Variants in DAP observed in about 807,000 individuals in gnomAD.
The protein encoded by DAP is death-associated protein 1.
Under a neutral mutation model 13.8 loss-of-function variants are expected in DAP, and 8 were observed. That is an observed-to-expected ratio of 0.58 (90% CI 0.34 to 1.05). The LOEUF (loss-of-function observed/expected upper bound fraction) is 1.05, where lower values mean the gene tolerates loss of function less well. Ranked by LOEUF, DAP falls within the 50% of genes least tolerant of loss-of-function variation. DAP has a pLI of 0.03. For synonymous variants in DAP, 47 were observed against 47.5 expected, an observed-to-expected ratio of 0.99 and a Z score of 0.04; for missense variants, 106 against 133.2, an observed-to-expected ratio of 0.80 and a Z score of 1.01.
chr5:10,730,778 G>A (rs1739436695), intron 2 of DAP, among the ~76,000 whole-genome samples: 1 of 133,340 alleles, frequency 7.5e-6, no homozygotes, highest in South Asian at 2.7e-4. Flanking sequence ...CCCTGGTAGG[G>A]GGAATCCTTC....
rs1303728526 is a variant in DAP at position 10,707,924 on chromosome 5, G to A, written c.153-24353C>T. 6.6e-6 allele frequency among the ~76,000 whole-genome samples: 1 copy of A among 152,120 alleles called. No individual in the cohort carries two copies. The highest frequency in any genetic ancestry group is 6.5e-5 in the Admixed American group (1 of 15,276). On this transcript the variant is annotated intron_variant, in intron 2 of 3. Coordinates refer to ENST00000230895, the MANE Select transcript of DAP (RefSeq NM_004394.3). This position sits in a 1 kb window ranked among gnomAD's most constrained non-coding sequence, Gnocchi z 4.0. Reference sequence around the variant, plus strand: ...CCCATGCTGTCGCTACCTCCAAGTGGCTCTAATTCTTATTTAGGCTTGAAA... The same window carrying A: ...CCCATGCTGTCGCTACCTCCAAGTGACTCTAATTCTTATTTAGGCTTGAAA...
rs753961777 is a variant in DAP, at chr5:10,761,040, T to C, written c.29A>G (p.Glu10Gly). MSSPPEGKL[E>G]TKAGHPPAVK... ...GGCGGGCGGGTGTCCAGCTTTAGTC[T>C]CTAGTTTCCCTTCGGGAGGCGAAGA... Residue 10 changes from glutamate to glycine, a missense_variant, in exon 1 of 4, where the codon GAG becomes GGG. Transcript: ENST00000230895. 9 of 1,214,688 alleles carry C rather than the reference T, an allele frequency of 7.4e-6. No homozygotes were observed. Among genetic ancestry groups the C allele is most frequent in the Admixed American group, 8.5e-5 (2 of 23,568 alleles). 75.2% of individuals were successfully genotyped at this position (1,214,688 alleles called of 1,614,324 possible).
intron 2 of DAP, among the ~76,000 whole-genome samples, chr5:10,725,495 G>A (rs1042017039): frequency 1.6e-4 from 25 of 152,162 alleles, no homozygotes; most frequent in African/African-American, 4.8e-4. Context: ...TGCAGAAGCC[G>A]GTGCCGCTGC....
At chr5:10,697,454 C>G (rs143209856) in intron 2 of DAP, among the ~76,000 whole-genome samples, 87 of 152,304 alleles carry the variant, frequency 5.7e-4, no homozygotes, top group African/African-American at 1.9e-3. Flanking sequence ...TTTAGAGTCA[C>G]TCTTTGGAAT....
intron 2 of DAP, chr5:10,734,320 A>G (rs1038033773): frequency 1.3e-5 from 2 of 152,320 alleles, no homozygotes; most frequent in Non-Finnish European, 2.9e-5. Context: ...CATAAATCAC[A>G]CCTGGTTTCC....
intron 2 of DAP, among the ~76,000 whole-genome samples, chr5:10,695,004 C>A (rs1487466647): frequency 6.6e-6 from 1 of 152,204 alleles, no homozygotes; most frequent in Non-Finnish European, 1.5e-5. Flanking sequence ...AAAACAAATC[C>A]GTTCCTGCCA....
intron 2 of DAP, among the ~76,000 whole-genome samples, chr5:10,696,096 G>T (rs979521110): frequency 1.3e-5 from 2 of 152,142 alleles, no homozygotes; most frequent in African/African-American, 4.8e-5. Context: ...AGTTTCTGGC[G>T]TGTGGATCTT....
At position 10,680,925 on chromosome 5, in the gene DAP, G is replaced by A; in HGVS notation, c.*131C>T. On this transcript the variant is annotated 3_prime_UTR_variant, in exon 4 of 4. Coordinates refer to ENST00000230895, the MANE Select transcript of DAP (RefSeq NM_004394.3). ...TTAAATATGGAAATGTAAGGCAAAGGACAGAGCACTTGGTTTTGCCTTAGA... is the reference window on the plus strand; with the variant it reads ...TTAAATATGGAAATGTAAGGCAAAGAACAGAGCACTTGGTTTTGCCTTAGA... 6.5e-7 allele frequency: 1 copy of A among 1,538,692 alleles called. No individual in the cohort carries two copies. The highest frequency in any genetic ancestry group is 8.7e-7 in the Non-Finnish European group (1 of 1,146,970).
intron 2 of DAP, among the ~76,000 whole-genome samples, chr5:10,720,796 T>C (rs1377924974): frequency 1.3e-5 from 2 of 152,236 alleles, no homozygotes; most frequent in African/African-American, 2.4e-5. Context: ...TTTTCCATCA[T>C]GGAAGATGGC....
intron 1 of DAP, 47 bp downstream of exon 1, chr5:10,760,967 C>G: frequency 8.5e-7 from 1 of 1,179,554 alleles, no homozygotes; most frequent in Non-Finnish European, 1.1e-6. Context: ...CGGGTTCGAG[C>G]CCGCCCCCGG....
chr5:10,683,285 T>G, intron 3 of DAP: 1 of 582,046 alleles, frequency 1.7e-6, no homozygotes, highest in East Asian at 3.0e-5. Context: ...AGGTCTGCGC[T>G]TAAGTCACAA....
intron 2 of DAP, among the ~76,000 whole-genome samples, chr5:10,689,840 CCT>C (rs1738258434): frequency 6.6e-6 from 1 of 152,144 alleles, no homozygotes; most frequent in African/African-American, 2.4e-5. Context: ...TTGTGCACAC[CCT>C]GAGGGCTGAC....
Position 10,748,286 on chromosome 5 carries a change from G to C in DAP, c.56-15C>G, listed in dbSNP as rs372204868. On this transcript the variant is annotated splice_polypyrimidine_tract_variant and intron_variant, in intron 1 of 3. Coordinates refer to ENST00000230895, the MANE Select transcript of DAP (RefSeq NM_004394.3). ...ACCAGCTTTCACTGAAATGAAAACA[G>C]AGAGTGTGGGATTAATGTGGAAATG... 2 of 1,608,772 alleles carry C rather than the reference G, an allele frequency of 1.2e-6. No homozygotes were observed. Among genetic ancestry groups the C allele is most frequent in the Admixed American group, 1.7e-5 (1 of 60,002 alleles).
chr5:10,745,459 T>C (rs1739875552), intron 2 of DAP, among the ~76,000 whole-genome samples: 1 of 152,216 alleles, frequency 6.6e-6, no homozygotes, highest in South Asian at 2.1e-4. Flanking sequence ...TGCTTCAAAA[T>C]ATCTGGTTCT....
chr5:10,758,895 G>C (rs1229599222), intron 1 of DAP, among the ~76,000 whole-genome samples: 1 of 152,202 alleles, frequency 6.6e-6, no homozygotes, highest in Non-Finnish European at 1.5e-5. Flanking sequence ...CAGGGAGTGA[G>C]TATGTACAGT....
chr5:10,732,615 A>G (rs1428912873), intron 2 of DAP, among the ~76,000 whole-genome samples: 1 of 152,126 alleles, frequency 6.6e-6, no homozygotes, highest in Non-Finnish European at 1.5e-5. Context: ...TATTGTGAAT[A>G]ATGATGGGAT....
intron 2 of DAP, among the ~76,000 whole-genome samples, chr5:10,745,608 A>C (rs1474634342): frequency 6.6e-6 from 1 of 152,178 alleles, no homozygotes; most frequent in East Asian, 1.9e-4. Flanking sequence ...GCTGCATGTC[A>C]ACTCATGAAA....
At chr5:10,740,693 A>G (rs947985886) in intron 2 of DAP, among the ~76,000 whole-genome samples, 1 of 152,254 alleles carries the variant, frequency 6.6e-6, no homozygotes, top group Non-Finnish European at 1.5e-5. Context: ...TAGTGAAAAC[A>G]TCTTTCAAAA....
At chr5:10,753,973 C>T (rs1192716025) in intron 1 of DAP, among the ~76,000 whole-genome samples, 1 of 152,182 alleles carries the variant, frequency 6.6e-6, no homozygotes, top group South Asian at 2.1e-4. Flanking sequence ...ACCAAAGGAT[C>T]TCAGGTAGAG....
Sources: allele counts gnomAD v4.1 joint callset (sites outside exome capture counted in the v4.1 genomes callset), GRCh38; gene constraint gnomAD v4.1.1; non-coding constraint Gnocchi (gnomAD v3.1); transcripts MANE v1.5; gene names NCBI Gene and HGNC (gene_info 2026-07-23, HGNC 2026-07-21).